SIK3: variants seen among roughly 807,000 people sequenced by gnomAD.
SIK3 encodes serine/threonine-protein kinase SIK3.
Under a neutral mutation model 144.2 loss-of-function variants are expected in SIK3, and 28 were observed. The observed-to-expected ratio is 0.19, with a 90% confidence interval of 0.14 to 0.27. The LOEUF (loss-of-function observed/expected upper bound fraction) is 0.27. Ranked by LOEUF, SIK3 falls within the 10% of genes least tolerant of loss-of-function variation. The probability of loss-of-function intolerance (pLI) is 1.00; values close to 1 mark genes in which losing one functional copy is unlikely to be tolerated. For synonymous variants in SIK3, 686 were observed against 676.3 expected (o/e 1.01, Z -0.22); for missense variants, 1,319 against 1,776.0 (o/e 0.74, Z 4.62).
intron 1 of SIK3, among the ~76,000 whole-genome samples, chr11:117,037,653 G>A (rs895023142): frequency 7.9e-5 from 12 of 152,190 alleles, no homozygotes; most frequent in African/African-American, 2.9e-4. Context: ...ATATGGCAAA[G>A]GATGTGAATC....
intron 1 of SIK3, chr11:117,035,962 G>A (rs1952482641): frequency 1.3e-6 from 2 of 1,580,264 alleles, no homozygotes; most frequent in Non-Finnish European, 8.6e-7. Flanking sequence ...CCATGAAGCA[G>A]GAATTGGGGC....
chr11:116,887,388 G>A (rs753176943), intron 6 of SIK3, among the ~76,000 whole-genome samples: 6 of 151,444 alleles, frequency 4.0e-5, no homozygotes, highest in Admixed American at 2.0e-4. Context: ...AAGCCGAGGC[G>A]GGCAGATCAC....
intron 1 of SIK3, among the ~76,000 whole-genome samples, chr11:116,974,547 T>C (rs762045611): frequency 4.6e-5 from 7 of 151,598 alleles, no homozygotes; most frequent in South Asian, 2.1e-4. Flanking sequence ...TGTGCCACCA[T>C]AGGGGTTTCT....
rs1319345505 is a variant in SIK3 at position 116,859,454 on chromosome 11, A to C, written c.2576T>G (p.Val859Gly). Residue 859 changes from valine (V) to glycine (G), a missense_variant, in exon 20 of 25, where the codon GTC becomes GGC. Val to Gly is a moderately radical substitution (Grantham distance 109, BLOSUM62 -3). Transcript: ENST00000445177. Reference sequence around the variant, plus strand: ...GCTGAGCATGTCAACAGGCTCTTGGACTTGGATGGTGACCTGCTGTGACTG... The same window carrying C: ...GCTGAGCATGTCAACAGGCTCTTGGCCTTGGATGGTGACCTGCTGTGACTG... ...PAQSQQVTIQ[V>G]QEPVDMLSNM... 4 of 1,614,078 alleles carry C rather than the reference A, an allele frequency of 2.5e-6. No individual in the cohort carries two copies. In the African/African-American group the frequency reaches 5.3e-5, roughly 22 times the overall value.
rs139640169 is a variant in SIK3 at position 116,870,644 on chromosome 11, T to C, written c.1738-243A>G. ...TTCATTCATTTATTAATCTAACAAA[T>C]AGCCAAATGCTTACTGTTACAGGAT... On this transcript the variant is annotated intron_variant, in intron 13 of 24. Coordinates refer to ENST00000445177, the MANE Select transcript of SIK3 (RefSeq NM_001366686.3). 2.2e-3 allele frequency among the ~76,000 whole-genome samples: 333 copies of C among 152,346 alleles called. 3 individuals are homozygous for C. The highest frequency in any genetic ancestry group is 7.5e-3 in the African/African-American group (310 of 41,570).
chr11:117,098,078 T>TG (rs1955560838), intron 1 of SIK3, 65 bp downstream of exon 1: 2 of 1,245,972 alleles, frequency 1.6e-6, no homozygotes, highest in Non-Finnish European at 1.0e-6. Flanking sequence ...ACCCCCCGGC[T>TG]GGGGGGCGCG....
In SIK3 at chr11:116,974,747, T is replaced by A. The variant is rs192462750; in HGVS notation, c.274-17683A>T. On this transcript the variant is annotated intron_variant, in intron 1 of 24. Coordinates refer to ENST00000445177, the MANE Select transcript of SIK3 (RefSeq NM_001366686.3). ...TGAAGAATTTTTCTTTTAGACATAG[T>A]TTTGTGAACCTGATATCAAGTCACA... 1.4e-4 allele frequency among the ~76,000 whole-genome samples: 22 copies of A among 152,330 alleles called. No individual in the cohort carries two copies. In the East Asian group the frequency reaches 4.2e-3, roughly 29 times the overall value.
At chr11:116,905,381 C>T (rs1262913096) in intron 4 of SIK3, among the ~76,000 whole-genome samples, 1 of 152,198 alleles carries the variant, frequency 6.6e-6, no homozygotes, top group African/African-American at 2.4e-5. Context: ...GTTGTTTCCA[C>T]TTTGCAGCGA....
intron 4 of SIK3, among the ~76,000 whole-genome samples, chr11:116,898,393 G>A (rs1454253842): frequency 6.6e-6 from 1 of 151,680 alleles, no homozygotes; most frequent in African/African-American, 2.4e-5. Flanking sequence ...ATTTGGGTTG[G>A]TTCCAAGTCT....
intron 6 of SIK3, among the ~76,000 whole-genome samples, chr11:116,888,804 A>G (rs1215333765): frequency 6.6e-6 from 1 of 152,208 alleles, no homozygotes; most frequent in African/African-American, 2.4e-5. Flanking sequence ...TGAGTCTTGA[A>G]GCTTTCAGGT....
At chr11:116,927,125 T>C (rs1217894666) in intron 4 of SIK3, 94 bp downstream of exon 4, 2 of 878,884 alleles carry the variant, frequency 2.3e-6, no homozygotes, top group Non-Finnish European at 3.4e-6. Context: ...ACAATAGTTC[T>C]TTCTGAAGAG....
At chr11:116,900,367 C>T (rs1226153326) in intron 4 of SIK3, among the ~76,000 whole-genome samples, 1 of 152,304 alleles carries the variant, frequency 6.6e-6, no homozygotes, top group East Asian at 1.9e-4. Flanking sequence ...AGTTCATACT[C>T]TTATCATCCC....
intron 6 of SIK3, among the ~76,000 whole-genome samples, chr11:116,877,811 G>A (rs1387659153): frequency 6.6e-6 from 1 of 152,204 alleles, no homozygotes; most frequent in Admixed American, 6.5e-5. Context: ...TGAGGGTGAT[G>A]AGAGTAATAG....
intron 1 of SIK3, among the ~76,000 whole-genome samples, chr11:117,045,613 G>A (rs556350712): frequency 8.1e-4 from 124 of 152,286 alleles, no homozygotes; most frequent in African/African-American, 2.9e-3. Context: ...CTAATCCTGT[G>A]TAGTATTTGT....
chr11:116,930,776 C>A (rs1947561355), intron 3 of SIK3, among the ~76,000 whole-genome samples: 1 of 151,626 alleles, frequency 6.6e-6, no homozygotes, highest in Admixed American at 6.6e-5. Flanking sequence ...CCCCTCCCCA[C>A]CCCCACCAAT....
Position 116,844,644 on chromosome 11 carries a change from A to ATATAT in SIK3, c.*998_*999insATATA. On this transcript the variant is annotated 3_prime_UTR_variant, in exon 25 of 25. Transcript: ENST00000445177. ...ATATATATATAATATATTATATTATATATTATATATATAATATATATATAC... is the reference window on the plus strand; with the variant it reads ...ATATATATATAATATATTATATTATATATATTATTATATATATAATATATATATAC... The ATATAT allele has an allele frequency of 1.1e-5, 1 of 90,978 alleles. No homozygotes were observed. The highest frequency in any genetic ancestry group is 1.0e-4 in the African/African-American group (1 of 10,042). The allele number at this position is 90,978 out of a possible 1,614,324, so 5.6% of individuals were successfully genotyped here. A position where few individuals can be genotyped will look rare whatever the true frequency, so the allele number is the denominator to read the frequency against.
chr11:116,874,047 A>G lies in SIK3; in HGVS notation c.1437T>C (p.Val479=), dbSNP rs1305365829. The G allele has an allele frequency of 1.2e-6, 2 of 1,613,850 alleles. No homozygotes were observed. The highest frequency in any genetic ancestry group is 2.2e-5 in the South Asian group (2 of 91,022). The change falls in exon 12 of 25, where the codon GTT becomes GTC. Residue 479 remains valine (V), a synonymous_variant. Transcript: ENST00000445177. The stretch of plus-strand genomic sequence containing the variant: ...GTAGGAGCTTCTGCAGATCTTCCAT[A>G]ACTTCCGTGCTGATACAAAACAGAA... ...TVGVADPRTE[V]MEDLQKLLPG... is the part of the protein sequence containing the mutation.
rs1166946074 is a variant in SIK3 at position 116,843,647 on chromosome 11, G to A, written c.*1996C>T. The A allele has an allele frequency of 6.6e-6, 1 of 152,250 alleles. No homozygotes were observed. The highest frequency in any genetic ancestry group is 1.5e-5 in the Non-Finnish European group (1 of 68,060). 9.4% of individuals were successfully genotyped at this position (152,250 alleles called of 1,614,324 possible). On this transcript the variant is annotated 3_prime_UTR_variant, in exon 25 of 25. Coordinates refer to ENST00000445177, the MANE Select transcript of SIK3 (RefSeq NM_001366686.3). ...TCATCTGTTGTTGCTGGAGGGTGCA[G>A]TCTGCTCTCCCATACATACAGTACC... is the stretch of plus-strand genomic sequence containing the variant.
chr11:116,893,609 T>A (rs1389240140), intron 6 of SIK3, among the ~76,000 whole-genome samples: 1 of 151,864 alleles, frequency 6.6e-6, no homozygotes, highest in Non-Finnish European at 1.5e-5. Context: ...GAGGTCCAGC[T>A]GCAGTGAGCC....
Sources: allele counts gnomAD v4.1 joint callset (sites outside exome capture counted in the v4.1 genomes callset), GRCh38; gene constraint gnomAD v4.1.1; transcripts MANE v1.5; gene names NCBI Gene and HGNC (gene_info 2026-07-23, HGNC 2026-07-21).